Variants in CGGBP1 observed in about 807,000 individuals in gnomAD.
CGGBP1 encodes the protein CGG triplet repeat-binding protein 1.
Under a neutral mutation model 11.4 loss-of-function variants are expected in CGGBP1, and 4 were observed. That is an observed-to-expected ratio of 0.35 (90% CI 0.17 to 0.80). The LOEUF (loss-of-function observed/expected upper bound fraction) is 0.80, where lower values mean the gene tolerates loss of function less well. Ranked by LOEUF, CGGBP1 falls within the 30% of genes least tolerant of loss-of-function variation. The probability of loss-of-function intolerance (pLI) is 0.52; values close to 1 mark genes in which losing one functional copy is unlikely to be tolerated. For missense variants in CGGBP1, 135 were observed against 202.1 expected, an observed-to-expected ratio of 0.67 and a Z score of 2.01; for synonymous variants, 76 against 74.1, an observed-to-expected ratio of 1.03 and a Z score of -0.13.
intron 2 of CGGBP1, chr3:88,095,866 A>T (rs1704028411): frequency 2.2e-6 from 1 of 450,032 alleles, no homozygotes; most frequent in African/African-American, 2.1e-5. Context: ...TTCAGCAGAT[A>T]CTCCACTTGC....
At chr3:88,142,902 A>G (rs1290120634) in intron 1 of CGGBP1, 9 of 152,276 alleles carry the variant, frequency 5.9e-5, no homozygotes, top group Non-Finnish European at 1.2e-4. Flanking sequence ...AACAATAAAT[A>G]TTTTTAAAAA....
At chr3:88,084,479 G>C (rs935121708) in intron 2 of CGGBP1, among the ~76,000 whole-genome samples, 10 of 152,180 alleles carry the variant, frequency 6.6e-5, no homozygotes, top group African/African-American at 2.4e-4. Context: ...TTAGTCTGTA[G>C]TGATGACCGC....
intron 1 of CGGBP1, among the ~76,000 whole-genome samples, chr3:88,148,181 T>C (rs7617691): frequency 0.78 from 119,172 of 152,126 alleles, 47,605 homozygotes; most frequent in South Asian, 0.91. Flanking sequence ...TCTCCCATCC[T>C]TGTCTTCTGG....
At chr3:88,083,896 T>G (rs1043499710) in intron 2 of CGGBP1, among the ~76,000 whole-genome samples, 8 of 151,284 alleles carry the variant, frequency 5.3e-5, no homozygotes, top group Non-Finnish European at 8.8e-5. Context: ...ACTCACAGCA[T>G]AGGAGAAAAA....
chr3:88,124,482 A>G (rs1466501167), intron 2 of CGGBP1, among the ~76,000 whole-genome samples: 1 of 152,216 alleles, frequency 6.6e-6, no homozygotes, highest in Non-Finnish European at 1.5e-5. Context: ...TAAAACAAGT[A>G]AAACCTCTTT....
chr3:88,082,457 C>T (rs1428314215), intron 2 of CGGBP1, among the ~76,000 whole-genome samples: 1 of 152,162 alleles, frequency 6.6e-6, no homozygotes, highest in Non-Finnish European at 1.5e-5. Flanking sequence ...GCTGGATTCG[C>T]TGTAAACAAA....
chr3:88,115,841 T>G (rs552834762), intron 2 of CGGBP1, among the ~76,000 whole-genome samples: 2 of 152,140 alleles, frequency 1.3e-5, no homozygotes, highest in African/African-American at 4.8e-5. Context: ...AGATTCCCAA[T>G]GAAGTGACAA....
chr3:88,101,595 T>C lies in CGGBP1; in HGVS notation c.-229+39375A>G, dbSNP rs138169554. ...ATATTTTATTTATGCATTCAGCAAT[T>C]GATGGCTATTCAGATTACTTCCAGT... On this transcript the variant is annotated intron_variant, in intron 2 of 3. Coordinates refer to the CGGBP1 transcript ENST00000462901. Among the ~76,000 whole-genome samples the C allele has an allele frequency of 5.0e-3, 760 of 152,286 alleles. 5 individuals carry two copies. Among genetic ancestry groups the C allele is most frequent in the African/African-American group, 0.018 (730 of 41,562 alleles).
intron 2 of CGGBP1, chr3:88,128,812 A>T (rs1277427699): frequency 6.5e-7 from 1 of 1,532,610 alleles, no homozygotes; most frequent in East Asian, 2.4e-5. Context: ...AATATAGTGA[A>T]CAAATATTTA....
At chr3:88,097,714 A>C (rs1704147018) in intron 2 of CGGBP1, among the ~76,000 whole-genome samples, 1 of 152,210 alleles carries the variant, frequency 6.6e-6, no homozygotes, top group Admixed American at 6.5e-5. Flanking sequence ...GAACTGAACA[A>C]CCGGCTCCTG....
intron 2 of CGGBP1, among the ~76,000 whole-genome samples, chr3:88,125,482 A>C (rs1243505096): frequency 7.0e-6 from 1 of 142,120 alleles, no homozygotes; most frequent in South Asian, 2.5e-4. Context: ...CTATTGCCCA[A>C]CTTAACAATA....
chr3:88,069,669 T>C (rs1388652994), intron 2 of CGGBP1, among the ~76,000 whole-genome samples: 2 of 152,216 alleles, frequency 1.3e-5, no homozygotes, highest in African/African-American at 4.8e-5. Context: ...CTTTCAGTTA[T>C]TTTTGTATTC....
At position 88,138,672 on chromosome 3, in the gene CGGBP1, AAG is replaced by A. The variant is rs1389877761; in HGVS notation, c.-229+2296_-229+2297del. On this transcript the variant is annotated intron_variant, in intron 2 of 3. Transcript: ENST00000462901. ...TAGTATAACCATTTTTTTGGAAAAAAAGTATTTAGCACTAATATTTTTCTTTT... is the reference window on the plus strand; with the variant it reads ...TAGTATAACCATTTTTTTGGAAAAAATATTTAGCACTAATATTTTTCTTTT... The A allele has an allele frequency of 5.0e-6, 6 of 1,207,352 alleles. No individual in the cohort carries two copies. In the Admixed American group the frequency reaches 1.3e-4, roughly 26 times the overall value. The allele number at this position is 1,207,352 out of a possible 1,614,324, so 74.8% of individuals were successfully genotyped here.
chr3:88,102,817 CTTTTTTTT>C (rs10701359), intron 2 of CGGBP1, among the ~76,000 whole-genome samples: 1 of 106,548 alleles, frequency 9.4e-6, no homozygotes, highest in Non-Finnish European at 1.8e-5. Context: ...CCTCTACTGT[CTTTTTTTT>C]TTTTTTTTTT....
chr3:88,114,110 A>G (rs1705252368), intron 2 of CGGBP1, among the ~76,000 whole-genome samples: 1 of 152,188 alleles, frequency 6.6e-6, no homozygotes, highest in African/African-American at 2.4e-5. Flanking sequence ...GTAGTAAGCA[A>G]AACAGAAAAA....
upstream of CGGBP1, among the ~76,000 whole-genome samples, chr3:88,060,317 C>T (rs1706794310): frequency 6.6e-6 from 1 of 152,124 alleles, no homozygotes. Context: ...TCGACCGTCA[C>T]AGGGGTTTGA....
intron 2 of CGGBP1, among the ~76,000 whole-genome samples, chr3:88,074,801 T>A (rs575286105): frequency 4.6e-5 from 7 of 152,334 alleles, no homozygotes; most frequent in African/African-American, 1.7e-4. Context: ...ATTAGTGATA[T>A]CAGAAGGACG....
upstream of CGGBP1, among the ~76,000 whole-genome samples, chr3:88,063,738 AT>A (rs1707027282): frequency 3.9e-5 from 6 of 152,188 alleles, no homozygotes; most frequent in South Asian, 1.2e-3. Context: ...CAAGGTGGGC[AT>A]TTATTATGTA....
chr3:88,098,425 G>A (rs994816067), intron 2 of CGGBP1, among the ~76,000 whole-genome samples: 12 of 152,150 alleles, frequency 7.9e-5, no homozygotes, highest in Non-Finnish European at 1.0e-4. Flanking sequence ...GGTATCATTC[G>A]TTCTCAAACT....
Sources: gnomAD v4.1 joint callset for allele counts (sites outside exome capture counted in the v4.1 genomes callset) on GRCh38, gnomAD v4.1.1 for gene constraint, MANE v1.5 for transcripts, NCBI Gene and HGNC (gene_info 2026-07-23, HGNC 2026-07-21) for gene names.